RARB: variants seen among roughly 807,000 people sequenced by gnomAD.
RARB encodes the protein retinoic acid receptor beta.
A neutral mutation model predicts 51.9 loss-of-function variants in RARB; 17 were observed. That is an observed-to-expected ratio of 0.33 (90% CI 0.22 to 0.49). RARB has a LOEUF of 0.49. Ranked by LOEUF, RARB falls within the 20% of genes least tolerant of loss-of-function variation. RARB has a pLI of 0.99. For synonymous variants in RARB, 215 were observed against 195.4 expected (o/e 1.10, Z -0.84); for missense variants, 369 against 550.8 (o/e 0.67, Z 3.30).
chr3:25,100,550 C>T (rs1041382235), intron 3 of RARB, among the ~76,000 whole-genome samples: 3 of 152,144 alleles, frequency 2.0e-5, no homozygotes, highest in African/African-American at 2.4e-5. Context: ...ATGTATCATT[C>T]GGTAGTATAA....
At chr3:25,594,475 G>T in intron 6 of RARB, 45 bp from the exon 7 acceptor site, 1 of 1,535,764 alleles carries the variant, frequency 6.5e-7, no homozygotes, top group Non-Finnish European at 8.8e-7. Flanking sequence ...AGGGGAAAAG[G>T]GCATAAATCC....
intron 2 of RARB, among the ~76,000 whole-genome samples, chr3:24,862,983 T>A (rs530584729): frequency 1.3e-5 from 2 of 152,200 alleles, no homozygotes; most frequent in East Asian, 3.9e-4. Flanking sequence ...CCAGGAGGAC[T>A]TGGATGGAAA....
At chr3:24,868,050 A>G (rs1702882781) in intron 2 of RARB, among the ~76,000 whole-genome samples, 1 of 152,168 alleles carries the variant, frequency 6.6e-6, no homozygotes, top group Admixed American at 6.5e-5. Flanking sequence ...GGCTTGCAGA[A>G]AAAACGGGGC....
chr3:24,950,361 C>T (rs947060999), intron 2 of RARB, among the ~76,000 whole-genome samples: 1 of 152,120 alleles, frequency 6.6e-6, no homozygotes, highest in Non-Finnish European at 1.5e-5. Flanking sequence ...AATGGGTTTG[C>T]AAATGCCCTA....
intron 2 of RARB, among the ~76,000 whole-genome samples, chr3:25,017,212 TC>T (rs377317400): frequency 1.0e-4 from 15 of 143,986 alleles, no homozygotes; most frequent in Admixed American, 3.4e-4. Flanking sequence ...TAACTAGCTT[TC>T]CCCCCCCCTT....
chr3:25,330,438 A>G (rs1474037259), intron 5 of RARB, among the ~76,000 whole-genome samples: 4 of 151,912 alleles, frequency 2.6e-5, no homozygotes, highest in African/African-American at 9.7e-5. Context: ...AAGGAGAAAT[A>G]AAATCCTTTA....
At chr3:25,156,436 C>T (rs1700374768) in intron 4 of RARB, among the ~76,000 whole-genome samples, 1 of 133,214 alleles carries the variant, frequency 7.5e-6, no homozygotes, top group South Asian at 2.5e-4. Context: ...CATTCATTGA[C>T]ATCACTAGTG....
chr3:25,171,139 G>C (rs1023494154), intron 4 of RARB, among the ~76,000 whole-genome samples: 3 of 151,874 alleles, frequency 2.0e-5, no homozygotes, highest in Non-Finnish European at 4.4e-5. Context: ...CTGATACCCA[G>C]AGAATCTCTT....
intron 5 of RARB, among the ~76,000 whole-genome samples, chr3:25,255,207 T>C (rs146345087): frequency 6.6e-6 from 1 of 152,250 alleles, no homozygotes; most frequent in African/African-American, 2.4e-5. Flanking sequence ...CAGTAGTAGA[T>C]CAACACAAAT....
At chr3:24,955,062 T>G (rs1695980623) in intron 2 of RARB, among the ~76,000 whole-genome samples, 1 of 152,176 alleles carries the variant, frequency 6.6e-6, no homozygotes, top group Non-Finnish European at 1.5e-5. Flanking sequence ...CCCAGGTTCT[T>G]TTTTGGCAGT....
Position 25,112,616 on chromosome 3 carries a change from A to G in RARB, c.-327-19545A>G, listed in dbSNP as rs118025192. On this transcript the variant is annotated intron_variant, in intron 3 of 11. Coordinates refer to the RARB transcript ENST00000383772. ...ACATAGGGAGACCTCGTCTCTACAA[A>G]TAATAAAAAAAATTAGTTGAGCATG... is the stretch of plus-strand genomic sequence containing the variant. Among the ~76,000 whole-genome samples the G allele has an allele frequency of 3.2e-3, 480 of 152,162 alleles. 5 individuals are homozygous for G. The East Asian group carries it at 0.036, about 11-fold the overall frequency.
chr3:24,980,138 GC>G (rs1388622221), intron 2 of RARB, among the ~76,000 whole-genome samples: 1 of 152,156 alleles, frequency 6.6e-6, no homozygotes, highest in African/African-American at 2.4e-5. Flanking sequence ...AAAGAGATCT[GC>G]TGTTACACTG....
intron 5 of RARB, among the ~76,000 whole-genome samples, chr3:25,253,096 G>T (rs1702770074): frequency 6.6e-6 from 1 of 152,148 alleles, no homozygotes; most frequent in Non-Finnish European, 1.5e-5. Flanking sequence ...ATGATAGAAG[G>T]TTTAATTATC....
intron 3 of RARB, among the ~76,000 whole-genome samples, chr3:25,551,769 T>A (rs1164528977): frequency 6.6e-6 from 1 of 152,200 alleles, no homozygotes; most frequent in African/African-American, 2.4e-5. Flanking sequence ...ATTCTTTAGA[T>A]GGGCTGCCAG....
At chr3:25,404,509 A>C (rs2125496652) in intron 5 of RARB, among the ~76,000 whole-genome samples, 1 of 152,296 alleles carries the variant, frequency 6.6e-6, no homozygotes, top group East Asian at 1.9e-4. Flanking sequence ...CTAGGGAATA[A>C]ATAATTGACC....
intron 2 of RARB, among the ~76,000 whole-genome samples, chr3:24,946,440 T>G (rs1178208432): frequency 6.6e-6 from 1 of 151,458 alleles, no homozygotes; most frequent in Non-Finnish European, 1.5e-5. Flanking sequence ...AGACAGCATT[T>G]AATGAAGAGT....
At chr3:25,283,539 A>T (rs1703575717) in intron 5 of RARB, among the ~76,000 whole-genome samples, 1 of 152,084 alleles carries the variant, frequency 6.6e-6, no homozygotes, top group Non-Finnish European at 1.5e-5. Flanking sequence ...AATACCTGAC[A>T]CCTTAGAGGT....
chr3:25,571,069 C>T (rs924527325), intron 4 of RARB, among the ~76,000 whole-genome samples: 4 of 152,076 alleles, frequency 2.6e-5, no homozygotes, highest in African/African-American at 4.8e-5. Context: ...CCCAGAGGGG[C>T]GCCCATGGAA....
At chr3:25,127,191 T>C (rs996242317) in intron 3 of RARB, among the ~76,000 whole-genome samples, 5 of 152,076 alleles carry the variant, frequency 3.3e-5, no homozygotes, top group Admixed American at 6.6e-5. Flanking sequence ...CAATAGCTTC[T>C]CGTTTTCATA....
Sources: allele counts gnomAD v4.1 joint callset (sites outside exome capture counted in the v4.1 genomes callset), GRCh38; gene constraint gnomAD v4.1.1; transcripts MANE v1.5; gene names NCBI Gene and HGNC (gene_info 2026-07-23, HGNC 2026-07-21).